Variants in SREK1 observed in about 807,000 individuals in gnomAD.
The protein encoded by SREK1 is splicing regulatory glutamine/lysine-rich protein 1.
In SREK1, 13 loss-of-function variants were observed where a neutral mutation model predicts 66.5. The observed-to-expected ratio is 0.20, with a 90% CI of 0.13 to 0.31. The LOEUF (loss-of-function observed/expected upper bound fraction) is 0.31. Among genes scored for constraint, SREK1 ranks in the 10% least tolerant of loss-of-function variants. The probability of loss-of-function intolerance (pLI) is 1.00; values close to 1 mark genes in which losing one functional copy is unlikely to be tolerated. For synonymous variants in SREK1, 265 were observed against 263.5 expected, an observed-to-expected ratio of 1.01 and a Z score of -0.05; for missense variants, 607 against 769.6, an observed-to-expected ratio of 0.79 and a Z score of 2.50.
intron 10 of SREK1, 56 bp from the exon 11 acceptor site, chr5:66,177,458 A>C (rs1402046956): frequency 7.4e-7 from 1 of 1,356,022 alleles, no homozygotes; most frequent in African/African-American, 1.5e-5. Context: ...TTTGTCAAGA[A>C]TATAATAGAT....
Position 66,164,810 on chromosome 5 carries a change from G to T in SREK1, c.914G>T (p.Gly305Val), listed in dbSNP as rs1171351786. 2 of 1,613,934 alleles carry T rather than the reference G, an allele frequency of 1.2e-6. No individual in the cohort carries two copies. The highest frequency in any genetic ancestry group is 3.3e-5 in the Admixed American group (2 of 59,988). Residue 305 changes from glycine to valine, a missense_variant, in exon 7 of 12, where the codon GGC becomes GTC. By Grantham distance (109) the Gly-to-Val change is moderately radical (BLOSUM62 -3). This residue lies in a region of SREK1 where 112 missense variants were observed against 168.6 expected (regional missense o/e 0.66). Coordinates refer to ENST00000334121, the MANE Select transcript of SREK1 (RefSeq NM_001077199.3). ...TCTGGAAAGAGCAATGAAAGAAAAG[G>T]CGGTCGATCTCGTTCCCATACTCGC... ...PESGKSNERK[G>V]GRSRSHTRSK...
rs759226490 is a variant in SREK1 at position 66,144,533 on chromosome 5, C to G, written c.157C>G (p.Pro53Ala). 1 of 1,551,802 alleles carries G rather than the reference C, an allele frequency of 6.4e-7. No individual in the cohort carries two copies. Among genetic ancestry groups the G allele is most frequent in the South Asian group, 1.2e-5 (1 of 84,098 alleles). ...AATCGAGGAGCTGCGGCTCTACCCC[C>G]CGGAGTAAGTGCTGGAGCTCGGCTG... is the stretch of plus-strand genomic sequence containing the variant. Reference protein sequence around the residue: ...GEIEELRLYPPDNAPLAFSSK... With the variant: ...GEIEELRLYPADNAPLAFSSK... The change falls in exon 1 of 12, where the codon CCG (proline) becomes GCG (alanine). Residue 53 changes from proline (P) to alanine (A), a missense_variant. Pro to Ala is a conservative substitution (Grantham distance 27, BLOSUM62 -1). Around this residue, in one of 5 missense-constraint regions of SREK1, gnomAD observed 75 missense variants for 72.9 expected, o/e 1.03. Coordinates refer to ENST00000334121, the MANE Select transcript of SREK1 (RefSeq NM_001077199.3).
At chr5:66,169,500 C>G (rs770803649) in intron 7 of SREK1, 15 of 152,148 alleles carry the variant, frequency 9.9e-5, no homozygotes, top group Non-Finnish European at 1.9e-4. Flanking sequence ...AAGCATTTCA[C>G]ATAAGGGATA....
Position 66,163,749 on chromosome 5 carries a change from A to T in SREK1, c.756-43A>T, listed in dbSNP as rs1220206485. 2.5e-6 allele frequency: 4 copies of T among 1,574,738 alleles called. No homozygotes were observed. In the South Asian group the frequency reaches 3.4e-5, roughly 14 times the overall value. ...ATAAATGTTTGTTTCATGTTTTATA[A>T]AATGTGGTGTGTATTTGTGATATGC... On this transcript the variant is annotated intron_variant, in intron 5 of 11. Coordinates refer to ENST00000334121, the MANE Select transcript of SREK1 (RefSeq NM_001077199.3).
At chr5:66,177,751 T>A in intron 11 of SREK1, 93 bp downstream of exon 11, 1 of 978,016 alleles carries the variant, frequency 1.0e-6, no homozygotes, top group Non-Finnish European at 1.4e-6. Context: ...GAACAGTGTC[T>A]TGTACATTGT....
intron 1 of SREK1, chr5:66,145,320 C>T (rs1397366314): frequency 3.3e-6 from 1 of 305,262 alleles, no homozygotes; most frequent in East Asian, 1.7e-4. Flanking sequence ...ATTTAGAAAA[C>T]TCGCAAGGGG....
chr5:66,166,718 C>T (rs1745208271), intron 7 of SREK1: 1 of 152,196 alleles, frequency 6.6e-6, no homozygotes, highest in Non-Finnish European at 1.5e-5. Flanking sequence ...ATCCTCCCAC[C>T]TTGGCCTCCA....
rs1435217260 is a variant in SREK1 at position 66,178,651 on chromosome 5, A to G, written c.1726-68A>G. On this transcript the variant is annotated intron_variant, in intron 11 of 11. Coordinates refer to ENST00000334121, the MANE Select transcript of SREK1 (RefSeq NM_001077199.3). Reference sequence around the variant, plus strand: ...AAATTTGCAAAAGATAAAGTTTCACATTTTTGTCGTCATAGCAGGCAGTTC... The same window carrying G: ...AAATTTGCAAAAGATAAAGTTTCACGTTTTTGTCGTCATAGCAGGCAGTTC... 1.3e-5 allele frequency: 19 copies of G among 1,415,060 alleles called. No homozygotes were observed. The Admixed American group carries it at 3.6e-4, about 27-fold the overall frequency. The allele number at this position is 1,415,060 out of a possible 1,614,324, so 87.7% of individuals were successfully genotyped here.
In SREK1 at chr5:66,159,265, T is replaced by C; in HGVS notation, c.342T>C (p.Ala114=). Residue 114 remains alanine, a synonymous_variant, in exon 3 of 12, where the codon GCT becomes GCC. Coordinates refer to ENST00000334121, the MANE Select transcript of SREK1 (RefSeq NM_001077199.3). Reference sequence around the variant, plus strand: ...AAGCCCTCTCTTTATTGGCTCCTGCTCCAACCATGACAAGTCTGATGCCTG... The same window carrying C: ...AAGCCCTCTCTTTATTGGCTCCTGCCCCAACCATGACAAGTCTGATGCCTG... The part of the protein sequence containing the change: ...ESKALSLLAP[A]PTMTSLMPGA... 1 of 1,613,754 alleles carries C rather than the reference T, an allele frequency of 6.2e-7. No individual in the cohort carries two copies. Among genetic ancestry groups the C allele is most frequent in the Non-Finnish European group, 8.5e-7 (1 of 1,179,856 alleles).
chr5:66,172,824 A>AT (rs762670649), intron 9 of SREK1, among the ~76,000 whole-genome samples: 10,621 of 118,178 alleles, frequency 0.09, 826 homozygotes, highest in East Asian at 0.23. Context: ...ATTTCTTTGA[A>AT]TTTTTTTTTT....
In SREK1 at chr5:66,178,814, T is replaced by C. The variant is rs1345363769; in HGVS notation, c.1821T>C (p.Asn607=). The change falls in exon 12 of 12, where the codon AAT becomes AAC. Residue 607 remains asparagine, a synonymous_variant. Coordinates refer to ENST00000334121, the MANE Select transcript of SREK1 (RefSeq NM_001077199.3). The part of the protein sequence containing the change: ...PRTEENKIQH[N]GNCQLNEENL... Reference sequence around the variant, plus strand: ...CTGAGGAAAACAAAATACAGCACAATGGGAATTGTCAGCTGAATGAAGAAA... The same window carrying C: ...CTGAGGAAAACAAAATACAGCACAACGGGAATTGTCAGCTGAATGAAGAAA... 6.2e-7 allele frequency: 1 copy of C among 1,612,472 alleles called. No individual in the cohort carries two copies. Among genetic ancestry groups the C allele is most frequent in the Non-Finnish European group, 8.5e-7 (1 of 1,178,928 alleles).
intron 7 of SREK1, chr5:66,166,379 A>G (rs149200643): frequency 1.3e-5 from 2 of 152,342 alleles, no homozygotes; most frequent in Non-Finnish European, 2.9e-5. Flanking sequence ...TTCTTTGATC[A>G]TCTAAGTGAA....
intron 6 of SREK1, 189 bp downstream of exon 6, chr5:66,164,111 TACTG>T (rs1431843796): frequency 3.2e-6 from 2 of 632,418 alleles, no homozygotes; most frequent in Non-Finnish European, 5.0e-6. Flanking sequence ...CTTTCTGTGA[TACTG>T]AATTGAGGCA....
In SREK1 at chr5:66,170,107, G is replaced by A. The variant is rs1181583956; in HGVS notation, c.1058G>A (p.Ser353Asn). 1 of 1,612,978 alleles carries A rather than the reference G, an allele frequency of 6.2e-7. No individual in the cohort carries two copies. The highest frequency in any genetic ancestry group is 2.2e-5 in the East Asian group (1 of 44,838). Residue 353 changes from serine (S) to asparagine (N), a missense_variant, in exon 8 of 12, where the codon AGC becomes AAC. Around this residue, in one of 5 missense-constraint regions of SREK1, gnomAD observed 112 missense variants for 168.6 expected, o/e 0.66. Transcript: ENST00000334121. ...CAGAAAGACAGACGTAGATCTAAGA[G>A]CCCACATAAAAAACGCTCTAAATCA... ...SRQKDRRRSK[S>N]PHKKRSKSRE...
chr5:66,144,423 C>T lies in SREK1; in HGVS notation c.47C>T (p.Thr16Ile), dbSNP rs201205648. 16 of 1,551,436 alleles carry T rather than the reference C, an allele frequency of 1.0e-5. No individual in the cohort carries two copies. In the African/African-American group the frequency reaches 1.9e-4, roughly 19 times the overall value. The change falls in exon 1 of 12, where the codon ACC becomes ATC. Residue 16 changes from threonine (T) to isoleucine (I), a missense_variant. Thr to Ile is a moderately conservative substitution (Grantham distance 89). Coordinates refer to ENST00000334121, the MANE Select transcript of SREK1 (RefSeq NM_001077199.3). ...GGTTTGGGCTTAGGCTTCGGCCTCA[C>T]CCCCACGTCGGTGATTCAGGTGACG... Reference protein sequence around the residue: ...GFGLGLGFGLTPTSVIQVTNL... With the variant: ...GFGLGLGFGLIPTSVIQVTNL...
At chr5:66,158,405 G>A (rs1744470069) in intron 2 of SREK1, 1 of 153,408 alleles carries the variant, frequency 6.5e-6, no homozygotes, top group Non-Finnish European at 1.4e-5. Context: ...TTAATAAGAA[G>A]TTTTCTGAAA....
chr5:66,163,392 T>C (rs1459966983), intron 5 of SREK1: 1 of 160,092 alleles, frequency 6.2e-6, no homozygotes, highest in African/African-American at 2.4e-5. Context: ...CATAATATGA[T>C]GATATACAGG....
rs1338518154 is a variant in SREK1 at position 66,179,804 on chromosome 5, C to T, written c.*936C>T. 2 of 152,424 alleles carry T rather than the reference C, an allele frequency of 1.3e-5. No homozygotes were observed. Among genetic ancestry groups the T allele is most frequent in the African/African-American group, 4.8e-5 (2 of 41,414 alleles). The allele number at this position is 152,424 out of a possible 1,614,324, so 9.4% of individuals were successfully genotyped here. ...ACTGTTTTCTAGAATTTTATATGTG[C>T]TAGTCATTCTCAATTCATATGGAAT... is the stretch of plus-strand genomic sequence containing the variant. On this transcript the variant is annotated 3_prime_UTR_variant, in exon 12 of 12. Transcript: ENST00000334121.
At chr5:66,164,974 C>T in intron 7 of SREK1, 77 bp downstream of exon 7, 3 of 1,388,794 alleles carry the variant, frequency 2.2e-6, no homozygotes, top group Non-Finnish European at 1.9e-6. Flanking sequence ...GAGTTTTCGT[C>T]AAAATATCAG....
Sources: allele counts gnomAD v4.1 joint callset (sites outside exome capture counted in the v4.1 genomes callset), GRCh38; gene constraint gnomAD v4.1.1; regional missense constraint gnomAD v4.1.1; transcripts MANE v1.5; gene names NCBI Gene and HGNC (gene_info 2026-07-23, HGNC 2026-07-21).